KCNQ3: variants seen among roughly 807,000 people sequenced by gnomAD.
KCNQ3 encodes the protein potassium voltage-gated channel subfamily KQT member 3.
A neutral mutation model predicts 92.5 loss-of-function variants in KCNQ3; 30 were observed. The observed-to-expected ratio is 0.32, with a 90% CI of 0.24 to 0.44. The LOEUF is 0.44. KCNQ3 is among the 20% of genes least tolerant of loss of function. The pLI is 1.00. For synonymous variants in KCNQ3, 450 were observed against 468.8 expected (o/e 0.96, Z 0.52); for missense variants, 913 against 1,140.3 (o/e 0.80, Z 2.87).
chr8:132,283,088 C>G (rs1385933300), intron 1 of KCNQ3, among the ~76,000 whole-genome samples: 1 of 134,876 alleles, frequency 7.4e-6, no homozygotes, highest in Non-Finnish European at 1.5e-5. Flanking sequence ...CTCTCTCTCT[C>G]TCTCGTGTGT....
chr8:132,138,652 T>C (rs1362480140), intron 11 of KCNQ3, among the ~76,000 whole-genome samples: 2 of 152,178 alleles, frequency 1.3e-5, no homozygotes, highest in Non-Finnish European at 2.9e-5. Context: ...TATTGGTTCC[T>C]CCCTGAGCCT....
chr8:132,305,413 G>A (rs1182503546), intron 1 of KCNQ3, among the ~76,000 whole-genome samples: 1 of 152,154 alleles, frequency 6.6e-6, no homozygotes, highest in Non-Finnish European at 1.5e-5. Context: ...AACCATCTTA[G>A]GACTAACCCC....
chr8:132,317,737 C>A (rs1037408876), intron 1 of KCNQ3, among the ~76,000 whole-genome samples: 6 of 151,966 alleles, frequency 3.9e-5, no homozygotes, highest in African/African-American at 7.2e-5. Flanking sequence ...CCTCTGGTGA[C>A]CCCCGTGAAG....
chr8:132,132,112 A>AAAAAG, intron 14 of KCNQ3, 68 bp downstream of exon 14: 1 of 1,105,058 alleles, frequency 9.0e-7, no homozygotes, highest in Non-Finnish European at 1.4e-6. Context: ...AAGAAAGAAA[A>AAAAAG]AAAAGAAATG....
intron 1 of KCNQ3, among the ~76,000 whole-genome samples, chr8:132,213,473 C>T (rs1813929114): frequency 6.6e-6 from 1 of 152,236 alleles, no homozygotes; most frequent in African/African-American, 2.4e-5. Context: ...GCAGGACAGG[C>T]TATTTCATTT....
intron 1 of KCNQ3, among the ~76,000 whole-genome samples, chr8:132,257,916 C>G (rs970264739): frequency 6.6e-6 from 1 of 151,920 alleles, no homozygotes; most frequent in Non-Finnish European, 1.5e-5. Flanking sequence ...AATTGTTACA[C>G]CAAAGGGCAT....
At position 132,128,777 on chromosome 8, in the gene KCNQ3, T is replaced by C. The variant is rs1824752343; in HGVS notation, c.*485A>G. On this transcript the variant is annotated 3_prime_UTR_variant, in exon 15 of 15. Transcript: ENST00000388996. Reference sequence around the variant, plus strand: ...TTAGCTCAGTAGGCAGCCCCACTGATACACAATGTGGTTTTGTTGAGAAAA... The same window carrying C: ...TTAGCTCAGTAGGCAGCCCCACTGACACACAATGTGGTTTTGTTGAGAAAA... The C allele has an allele frequency of 5.8e-6, 1 of 171,524 alleles. No individual in the cohort carries two copies. The highest frequency in any genetic ancestry group is 1.4e-4 in the South Asian group (1 of 7,006). The allele number at this position is 171,524 out of a possible 1,614,324, so 10.6% of individuals were successfully genotyped here.
chr8:132,164,056 A>G (rs1339714537), intron 8 of KCNQ3, among the ~76,000 whole-genome samples: 1 of 152,140 alleles, frequency 6.6e-6, no homozygotes, highest in Non-Finnish European at 1.5e-5. Flanking sequence ...AACCCAGGTG[A>G]TCTGGCTCTG....
At chr8:132,213,298 A>G (rs1813920513) in intron 1 of KCNQ3, among the ~76,000 whole-genome samples, 2 of 152,136 alleles carry the variant, frequency 1.3e-5, no homozygotes, top group South Asian at 4.1e-4. Context: ...CAGTGGCACC[A>G]GGGGCTCCAT....
intron 1 of KCNQ3, among the ~76,000 whole-genome samples, chr8:132,199,012 A>G (rs62519639): frequency 0.07 from 10,619 of 152,204 alleles, 525 homozygotes; most frequent in African/African-American, 0.13. Flanking sequence ...TGGCTTTGCA[A>G]GTCAGTCTCT....
At chr8:132,467,692 G>A (rs1822205374) in intron 1 of KCNQ3, among the ~76,000 whole-genome samples, 2 of 152,320 alleles carry the variant, frequency 1.3e-5, no homozygotes, top group African/African-American at 4.8e-5. Context: ...GTGGCCCTGA[G>A]TGGTAACTCA....
intron 1 of KCNQ3, among the ~76,000 whole-genome samples, chr8:132,373,626 G>T (rs1278986886): frequency 6.6e-6 from 1 of 152,144 alleles, no homozygotes; most frequent in Non-Finnish European, 1.5e-5. Flanking sequence ...AGAACAAAGT[G>T]AAAGTCCAGA....
chr8:132,282,246 T>C (rs936556688), intron 1 of KCNQ3, among the ~76,000 whole-genome samples: 3 of 152,164 alleles, frequency 2.0e-5, no homozygotes, highest in Admixed American at 2.0e-4. Flanking sequence ...TAGTATGGCA[T>C]GAGATGATCC....
intron 2 of KCNQ3, among the ~76,000 whole-genome samples, chr8:132,184,727 T>C (rs1271015914): frequency 6.6e-6 from 1 of 152,192 alleles, no homozygotes; most frequent in African/African-American, 2.4e-5. Context: ...AAAAGAGAGA[T>C]ATGAGTGAAA....
intron 1 of KCNQ3, among the ~76,000 whole-genome samples, chr8:132,214,960 C>T (rs973936332): frequency 4.6e-5 from 7 of 152,254 alleles, no homozygotes; most frequent in African/African-American, 1.7e-4. Context: ...CTGACTTCTG[C>T]CCATCCACAG....
intron 1 of KCNQ3, chr8:132,187,067 G>T (rs1251288040): frequency 3.6e-5 from 15 of 415,440 alleles, no homozygotes; most frequent in South Asian, 2.6e-4. Flanking sequence ...TGGCTTAGTT[G>T]TCAGTACCAG....
intron 6 of KCNQ3, among the ~76,000 whole-genome samples, chr8:132,173,849 G>A (rs918278552): frequency 8.5e-5 from 13 of 152,186 alleles, no homozygotes; most frequent in African/African-American, 1.9e-4. Context: ...GACCTGCTCC[G>A]TGCAAGGCAC....
rs186843934 is a variant in KCNQ3 at position 132,431,468 on chromosome 8, G to C, written c.386+48679C>G. Among the ~76,000 whole-genome samples, 203 of 152,300 alleles carry C rather than the reference G, an allele frequency of 1.3e-3. 1 individual carries two copies. Among genetic ancestry groups the C allele is most frequent in the African/African-American group, 4.7e-3 (197 of 41,558 alleles). ...GCCAGCTCTGGTCTCTAGGGAGGTC[G>C]GTGATGTCCCTGAATCTCCTGGGCC... is the stretch of plus-strand genomic sequence containing the variant. On this transcript the variant is annotated intron_variant, in intron 1 of 14. Transcript: ENST00000388996.
At chr8:132,229,408 G>A (rs1814555622) in intron 1 of KCNQ3, among the ~76,000 whole-genome samples, 1 of 152,144 alleles carries the variant, frequency 6.6e-6, no homozygotes. Context: ...AATATACTGA[G>A]GACTTCAAGT....
Sources: gnomAD v4.1 joint callset for allele counts (sites outside exome capture counted in the v4.1 genomes callset) on GRCh38, gnomAD v4.1.1 for gene constraint, MANE v1.5 for transcripts, NCBI Gene and HGNC (gene_info 2026-07-23, HGNC 2026-07-21) for gene names.